RPAP2: variants seen among roughly 807,000 people sequenced by gnomAD.
RPAP2 encodes RNA polymerase II associated protein 2, also known as putative RNA polymerase II subunit B1 CTD phosphatase RPAP2.
Under a neutral mutation model 73.1 loss-of-function variants are expected in RPAP2, and 52 were observed. The ratio of observed to expected loss-of-function variants is 0.71; its 90% CI spans 0.57 to 0.90. The LOEUF is 0.90. Ranked by LOEUF, RPAP2 falls within the 40% of genes least tolerant of loss-of-function variation. The pLI is 0.00. For missense variants in RPAP2, 598 were observed against 701.8 expected (o/e 0.85, Z 1.67); for synonymous variants, 225 against 242.1 (o/e 0.93, Z 0.65).
chr1:92,336,162 G>C (rs981195152), intron 9 of RPAP2, among the ~76,000 whole-genome samples, 185 bp from the exon 10 acceptor site: 1 of 152,174 alleles, frequency 6.6e-6, no homozygotes, highest in Non-Finnish European at 1.5e-5. Context: ...ACAAAGTGGA[G>C]TGTGGGGTTA....
intron 6 of RPAP2, among the ~76,000 whole-genome samples, chr1:92,318,011 T>C (rs1019925797): frequency 1.3e-5 from 2 of 152,210 alleles, no homozygotes; most frequent in Admixed American, 1.3e-4. Flanking sequence ...CTATCACTCC[T>C]GAGTCTGCTT....
In RPAP2 at chr1:92,307,220, T is replaced by C. The variant is rs1490252808; in HGVS notation, c.432T>C (p.Ser144=). ...GCAGCAATTTTTGTTATCAAGCATC[T>C]AAGTTTTTTGAAGCACAAATTCCCA... ...SFCSNFCYQA[S]KFFEAQIPKT... Residue 144 remains serine (S), a synonymous_variant, in exon 6 of 13, where the codon TCT becomes TCC. Coordinates refer to ENST00000610020, the MANE Select transcript of RPAP2 (RefSeq NM_024813.3). The C allele has an allele frequency of 1.2e-6, 2 of 1,612,154 alleles. No individual in the cohort carries two copies. The highest frequency in any genetic ancestry group is 2.7e-5 in the African/African-American group (2 of 74,860).
intron 5 of RPAP2, among the ~76,000 whole-genome samples, chr1:92,304,819 A>G (rs74767605): frequency 0.062 from 9,479 of 152,248 alleles, 437 homozygotes; most frequent in Non-Finnish European, 0.089. Flanking sequence ...TAGATTAAAG[A>G]CATAAATGTA....
chr1:92,317,228 G>C (rs536366778), intron 6 of RPAP2, among the ~76,000 whole-genome samples: 158 of 152,228 alleles, frequency 1.0e-3, no homozygotes, highest in Admixed American at 1.7e-3. Flanking sequence ...AGAGTTGAAG[G>C]CTCGGTGCGG....
At chr1:92,380,674 T>C in intron 11 of RPAP2, 50 bp from the exon 12 acceptor site, 1 of 1,378,726 alleles carries the variant, frequency 7.3e-7, no homozygotes, top group Non-Finnish European at 9.7e-7. Context: ...AGGAGTCCCT[T>C]TGCCCTTATC....
At chr1:92,349,024 A>G (rs1281696491) in intron 11 of RPAP2, among the ~76,000 whole-genome samples, 1 of 152,168 alleles carries the variant, frequency 6.6e-6, no homozygotes, top group Non-Finnish European at 1.5e-5. Context: ...AAGTAACCCC[A>G]CCTTTCAGCC....
At chr1:92,377,541 G>T (rs1329199479) in intron 11 of RPAP2, among the ~76,000 whole-genome samples, 1 of 101,016 alleles carries the variant, frequency 9.9e-6, no homozygotes, top group Non-Finnish European at 2.0e-5. Flanking sequence ...AAAAAAAAAA[G>T]AATTGGGTTG....
intron 10 of RPAP2, among the ~76,000 whole-genome samples, chr1:92,339,705 A>T (rs1169618782): frequency 6.6e-6 from 1 of 151,588 alleles, no homozygotes; most frequent in Non-Finnish European, 1.5e-5. Context: ...TGTGTTTTTT[A>T]AAATATTATT....
Position 92,303,974 on chromosome 1 carries a change from T to C in RPAP2, c.235-3T>C. On this transcript the variant is annotated splice_region_variant and splice_polypyrimidine_tract_variant and intron_variant, in intron 3 of 12. Coordinates refer to ENST00000610020, the MANE Select transcript of RPAP2 (RefSeq NM_024813.3). ...AGGAAATAACCCTCTCATTTCATTT[T>C]AGGGGAGGTTCATTACACCTGCTCA... 1 of 1,590,090 alleles carries C rather than the reference T, an allele frequency of 6.3e-7. No individual in the cohort carries two copies. The highest frequency in any genetic ancestry group is 1.1e-5 in the South Asian group (1 of 87,198).
chr1:92,322,584 A>T (rs1652343453), intron 7 of RPAP2, among the ~76,000 whole-genome samples: 9 of 151,648 alleles, frequency 5.9e-5, no homozygotes, highest in Admixed American at 5.9e-4. Context: ...AATAAAAAAT[A>T]AAAAGCTCAG....
chr1:92,323,813 A>G lies in RPAP2; in HGVS notation c.893A>G (p.Gln298Arg). ...CELPLQKVNTQSSSNSTLPER... is the reference protein window; with the variant it reads ...CELPLQKVNTRSSSNSTLPER... Reference sequence around the variant, plus strand: ...CTTCCTTTACAGAAAGTAAATACTCAGAGTTCTTCAAATAGCACTTTGCCT... The same window carrying G: ...CTTCCTTTACAGAAAGTAAATACTCGGAGTTCTTCAAATAGCACTTTGCCT... Residue 298 changes from glutamine (Q) to arginine (R), a missense_variant, in exon 8 of 13, where the codon CAG becomes CGG. Physicochemically the swap from Gln to Arg is conservative, Grantham distance 43. Coordinates refer to ENST00000610020, the MANE Select transcript of RPAP2 (RefSeq NM_024813.3). 3.7e-6 allele frequency: 6 copies of G among 1,614,120 alleles called. No individual in the cohort carries two copies. The highest frequency in any genetic ancestry group is 4.2e-6 in the Non-Finnish European group (5 of 1,179,988).
At chr1:92,305,747 G>A (rs569024792) in intron 5 of RPAP2, among the ~76,000 whole-genome samples, 2 of 152,254 alleles carry the variant, frequency 1.3e-5, no homozygotes, top group South Asian at 2.1e-4. Context: ...AATATTATCA[G>A]TAATCAGAGA....
intron 8 of RPAP2, among the ~76,000 whole-genome samples, 196 bp downstream of exon 8, chr1:92,324,571 C>A (rs1445330511): frequency 6.6e-6 from 1 of 152,126 alleles, no homozygotes. Flanking sequence ...TGACGTTTAC[C>A]CCTAGCAAAT....
intron 11 of RPAP2, among the ~76,000 whole-genome samples, chr1:92,371,886 T>C (rs759341057): frequency 1.2e-5 from 1 of 86,352 alleles, no homozygotes; most frequent in South Asian, 5.8e-4. Flanking sequence ...TGAGACCCTG[T>C]CTCAAAAAAA....
chr1:92,335,300 T>C (rs1209540173), intron 9 of RPAP2, among the ~76,000 whole-genome samples: 3 of 152,168 alleles, frequency 2.0e-5, no homozygotes, highest in Non-Finnish European at 2.9e-5. Context: ...AAATTGAATC[T>C]GGAAATAGAT....
At chr1:92,368,158 G>A (rs1655000108) in intron 11 of RPAP2, among the ~76,000 whole-genome samples, 1 of 152,058 alleles carries the variant, frequency 6.6e-6, no homozygotes, top group South Asian at 2.1e-4. Context: ...GCCACAGTGG[G>A]TCACAAGGTC....
intron 10 of RPAP2, among the ~76,000 whole-genome samples, chr1:92,339,003 A>G (rs1653446561): frequency 6.6e-6 from 1 of 152,214 alleles, no homozygotes; most frequent in South Asian, 2.1e-4. Flanking sequence ...GTTATGCTGT[A>G]CATATCAGAA....
chr1:92,300,245 A>G lies in RPAP2; in HGVS notation c.119+6A>G. 1 of 1,603,680 alleles carries G rather than the reference A, an allele frequency of 6.2e-7. No homozygotes were observed. The highest frequency in any genetic ancestry group is 8.5e-7 in the Non-Finnish European group (1 of 1,170,988). On this transcript the variant is annotated splice_donor_region_variant and intron_variant, in intron 2 of 12. Coordinates refer to ENST00000610020, the MANE Select transcript of RPAP2 (RefSeq NM_024813.3). Reference sequence around the variant, plus strand: ...CAAGAAGATGCTTCTAAAAGGTATGACAGCTACATGGACAACTACATTGGC... The same window carrying G: ...CAAGAAGATGCTTCTAAAAGGTATGGCAGCTACATGGACAACTACATTGGC...
intron 11 of RPAP2, among the ~76,000 whole-genome samples, chr1:92,348,667 A>G (rs557315144): frequency 3.3e-5 from 5 of 152,232 alleles, no homozygotes; most frequent in African/African-American, 1.2e-4. Context: ...GGCTCAACTG[A>G]TAGACTTTTT....
Sources: allele counts gnomAD v4.1 joint callset (sites outside exome capture counted in the v4.1 genomes callset), GRCh38; gene constraint gnomAD v4.1.1; transcripts MANE v1.5; gene names NCBI Gene and HGNC (gene_info 2026-07-23, HGNC 2026-07-21).